RORA: variants seen among roughly 807,000 people sequenced by gnomAD.
RORA encodes the protein nuclear receptor ROR-alpha.
RORA carries 7 observed loss-of-function variants against 69.5 expected under a neutral mutation model. That is an observed-to-expected ratio of 0.10 (90% CI 0.06 to 0.19). RORA has a LOEUF of 0.19. Ranked by LOEUF, RORA falls within the 10% of genes least tolerant of loss-of-function variation. RORA has a pLI of 1.00. For missense variants in RORA, 457 were observed against 663.0 expected (o/e 0.69, Z 3.41); for synonymous variants, 261 against 240.8 (o/e 1.08, Z -0.78).
chr15:60,774,787 C>T (rs1030966176), intron 1 of RORA, among the ~76,000 whole-genome samples: 1 of 152,220 alleles, frequency 6.6e-6, no homozygotes, highest in East Asian at 1.9e-4. Flanking sequence ...CATCCTAAAG[C>T]AGAGCCTAAG....
At chr15:60,744,829 C>G (rs1489116474) in intron 1 of RORA, among the ~76,000 whole-genome samples, 1 of 152,232 alleles carries the variant, frequency 6.6e-6, no homozygotes, top group East Asian at 1.9e-4. Flanking sequence ...GGTATCTTCT[C>G]TGAGTCGGGA....
At chr15:61,140,979 C>A (rs1399593218) in intron 1 of RORA, among the ~76,000 whole-genome samples, 3 of 152,028 alleles carry the variant, frequency 2.0e-5, no homozygotes, top group South Asian at 2.1e-4. Flanking sequence ...TTTTTTCACA[C>A]AAGAAACCTC....
chr15:60,622,998 G>C (rs2069460369), intron 2 of RORA, among the ~76,000 whole-genome samples: 1 of 152,200 alleles, frequency 6.6e-6, no homozygotes, highest in Non-Finnish European at 1.5e-5. Flanking sequence ...TTACAGGCAT[G>C]AGCCACTATG....
At chr15:60,868,744 C>T (rs898463751) in intron 1 of RORA, among the ~76,000 whole-genome samples, 3 of 152,284 alleles carry the variant, frequency 2.0e-5, no homozygotes, top group African/African-American at 7.2e-5. Context: ...GAAGTTCTCC[C>T]TTCTTTCATG....
intron 1 of RORA, among the ~76,000 whole-genome samples, chr15:60,830,857 G>A (rs888917781): frequency 6.6e-6 from 1 of 152,220 alleles, no homozygotes; most frequent in Non-Finnish European, 1.5e-5. Context: ...TCTTGGGCAT[G>A]AGGGACCACA....
chr15:61,124,664 T>G (rs1360954529), intron 1 of RORA, among the ~76,000 whole-genome samples: 7 of 152,208 alleles, frequency 4.6e-5, no homozygotes, highest in African/African-American at 1.2e-4. Flanking sequence ...TTTCCTCAAT[T>G]CCTTTGCTTT....
chr15:61,020,515 T>C (rs1895472901), intron 1 of RORA, among the ~76,000 whole-genome samples: 1 of 152,214 alleles, frequency 6.6e-6, no homozygotes, highest in African/African-American at 2.4e-5. Context: ...TCTTTTCTTA[T>C]TGTTTATTGA....
intron 2 of RORA, among the ~76,000 whole-genome samples, chr15:60,589,824 T>C (rs1179999311): frequency 6.6e-6 from 1 of 152,194 alleles, no homozygotes; most frequent in Non-Finnish European, 1.5e-5. Context: ...TATGGTGGCT[T>C]GTTCTCTCCT....
At chr15:61,022,108 C>T (rs182659339) in intron 1 of RORA, among the ~76,000 whole-genome samples, 2 of 152,254 alleles carry the variant, frequency 1.3e-5, no homozygotes, top group East Asian at 3.9e-4. Context: ...TCAGATTTTG[C>T]CTGAATTCAA....
intron 1 of RORA, among the ~76,000 whole-genome samples, chr15:61,089,120 C>G (rs993642299): frequency 6.6e-6 from 1 of 152,140 alleles, no homozygotes; most frequent in African/African-American, 2.4e-5. Context: ...ACAACACATG[C>G]AAAGTTTCTT....
chr15:61,017,138 T>G (rs576363760), intron 1 of RORA, among the ~76,000 whole-genome samples: 1 of 152,196 alleles, frequency 6.6e-6, no homozygotes, highest in Admixed American at 6.5e-5. Context: ...GCTCTTTTGA[T>G]TCCTACGTTT....
intron 2 of RORA, among the ~76,000 whole-genome samples, chr15:60,633,852 A>T (rs2069785950): frequency 6.6e-6 from 1 of 152,242 alleles, no homozygotes; most frequent in Non-Finnish European, 1.5e-5. Context: ...CAACCTGAGA[A>T]ATGTATATAA....
chr15:60,744,571 C>A (rs1221672864), intron 1 of RORA, among the ~76,000 whole-genome samples: 1 of 152,184 alleles, frequency 6.6e-6, no homozygotes, highest in Non-Finnish European at 1.5e-5. Context: ...AGTGTCCTCA[C>A]CAGCAAACTG....
At position 61,043,604 on chromosome 15, in the gene RORA, T is replaced by C. The variant is rs116480415; in HGVS notation, c.166+185449A>G. Among the ~76,000 whole-genome samples, 758 of 152,230 alleles carry C rather than the reference T, an allele frequency of 5.0e-3. 8 individuals carry two copies. Among genetic ancestry groups the C allele is most frequent in the African/African-American group, 0.017 (721 of 41,534 alleles). On this transcript the variant is annotated intron_variant, in intron 1 of 10. Transcript: ENST00000335670. ...AGCTAATTCCACCTAACCATAGAAA[T>C]GCACTGTGGCCTGGGTTTATGCCTG...
At chr15:60,862,881 T>C (rs1236863175) in intron 1 of RORA, among the ~76,000 whole-genome samples, 1 of 152,228 alleles carries the variant, frequency 6.6e-6, no homozygotes, top group Non-Finnish European at 1.5e-5. Flanking sequence ...AATGAGCTTT[T>C]AGTGTCATGA....
intron 1 of RORA, among the ~76,000 whole-genome samples, chr15:61,191,370 A>G (rs1437562288): frequency 1.3e-5 from 2 of 151,004 alleles, no homozygotes; most frequent in Non-Finnish European, 3.0e-5. Context: ...TGTAGCAAAA[A>G]AAAAAAAAAA....
chr15:60,565,408 CAG>C (rs1426523734), intron 2 of RORA, among the ~76,000 whole-genome samples: 1 of 152,144 alleles, frequency 6.6e-6, no homozygotes, highest in Admixed American at 6.5e-5. Context: ...TATTCATTAG[CAG>C]AGACATTTGG....
Position 60,511,735 on chromosome 15 carries a change from T to C in RORA, c.425-114A>G. 2.6e-6 allele frequency: 3 copies of C among 1,137,114 alleles called. No homozygotes were observed. The highest frequency in any genetic ancestry group is 1.6e-5 in the South Asian group (1 of 61,138). The allele number at this position is 1,137,114 out of a possible 1,614,324, so 70.4% of individuals were successfully genotyped here. On this transcript the variant is annotated intron_variant, in intron 4 of 10. Coordinates refer to ENST00000335670, the MANE Select transcript of RORA (RefSeq NM_134261.3). The surrounding 1 kb of genome is among the most constrained non-coding windows in gnomAD (Gnocchi z 6.4). ...CACACAATCTCAATCCAAAACTGCA[T>C]GACCACAAAATAAGGACATATTCAG...
At chr15:60,954,300 G>C (rs1230064158) in intron 1 of RORA, among the ~76,000 whole-genome samples, 1 of 128,200 alleles carries the variant, frequency 7.8e-6, no homozygotes, top group Non-Finnish European at 1.6e-5. Context: ...GGTGGGGTGG[G>C]GGGTGGGGGG....
Sources: allele counts gnomAD v4.1 joint callset (sites outside exome capture counted in the v4.1 genomes callset), GRCh38; gene constraint gnomAD v4.1.1; non-coding constraint Gnocchi (gnomAD v3.1); transcripts MANE v1.5; gene names NCBI Gene and HGNC (gene_info 2026-07-23, HGNC 2026-07-21).